The following SHE variants were observed in gnomAD, a reference collection of about 807,000 sequenced individuals.
The protein encoded by SHE is SH2 domain-containing adapter protein E.
A neutral mutation model predicts 49.8 loss-of-function variants in SHE; 11 were observed. The observed-to-expected ratio is 0.22, with a 90% CI of 0.14 to 0.37. The LOEUF is 0.37. Ranked by LOEUF, SHE falls within the 10% of genes least tolerant of loss-of-function variation. SHE has a pLI of 1.00. For missense variants in SHE, 624 were observed against 655.5 expected, an observed-to-expected ratio of 0.95 and a Z score of 0.52; for synonymous variants, 310 against 278.1, an observed-to-expected ratio of 1.11 and a Z score of -1.14.
exon 2 of SHE, chr1:154,470,265 G>A (rs972227407): frequency 8.7e-6 from 11 of 1,264,486 alleles, no homozygotes; most frequent in South Asian, 1.2e-5. Flanking sequence ...GAGCCAGGAC[G>A]TGGAGGGAGC....
chr1:154,494,643 TTGAC>T lies in SHE; in HGVS notation c.718+4465_718+4468del, dbSNP rs570561996. On this transcript the variant is annotated intron_variant, in intron 2 of 5. Transcript: ENST00000304760. ...AAAAATAAAATTTTAAAAATAATCTTTGACTGGAGCTCAAAAGCTAAAACCACAG... is the reference window on the plus strand; with the variant it reads ...AAAAATAAAATTTTAAAAATAATCTTTGGAGCTCAAAAGCTAAAACCACAG... Among the ~76,000 whole-genome samples, 400 of 152,202 alleles carry T rather than the reference TTGAC, an allele frequency of 2.6e-3. 3 individuals are homozygous for T. The highest frequency in any genetic ancestry group is 9.0e-3 in the African/African-American group (372 of 41,534).
intron 1 of SHE, among the ~76,000 whole-genome samples, chr1:154,499,789 G>A (rs1692650622): frequency 6.6e-6 from 1 of 152,184 alleles, no homozygotes; most frequent in Non-Finnish European, 1.5e-5. Context: ...AAGTAGGTCA[G>A]TACTAAACAG....
intron 3 of SHE, among the ~76,000 whole-genome samples, chr1:154,487,530 T>C (rs1312990915): frequency 2.0e-5 from 3 of 151,822 alleles, no homozygotes; most frequent in African/African-American, 7.3e-5. Context: ...ACTGAGCAGG[T>C]ACCCGAGATG....
chr1:154,502,014 G>C lies in SHE; in HGVS notation c.13C>G (p.Pro5Ala). 2 of 1,381,736 alleles carry C rather than the reference G, an allele frequency of 1.4e-6. No homozygotes were observed. Among genetic ancestry groups the C allele is most frequent in the South Asian group, 1.7e-5 (1 of 60,010 alleles). 85.6% of individuals were successfully genotyped at this position (1,381,736 alleles called of 1,614,324 possible). A position where few individuals can be genotyped will look rare whatever the true frequency, so the allele number is the denominator to read the frequency against. MQWS[P>A]TPGASACLGW... is the part of the protein sequence containing the mutation. ...AGACACGCAGAGGCGCCAGGGGTCG[G>C]GGACCACTGCATTCCCCGTGACTGG... Residue 5 changes from proline to alanine, a missense_variant, in exon 1 of 6, where the codon CCG (proline) becomes GCG (alanine). Physicochemically the swap from Pro to Ala is conservative, Grantham distance 27. This residue lies in a region of SHE where 337 missense variants were observed against 306.0 expected (regional missense o/e 1.10). Coordinates refer to ENST00000304760, the MANE Select transcript of SHE (RefSeq NM_001010846.3).
At chr1:154,494,708 T>C (rs917234936) in intron 2 of SHE, among the ~76,000 whole-genome samples, 1 of 152,076 alleles carries the variant, frequency 6.6e-6, no homozygotes, top group South Asian at 2.1e-4. Context: ...GTTGTGTAAT[T>C]TGAACAAATT....
rs1692037761 is a variant in SHE at position 154,482,181 on chromosome 1, T to G, written c.*1968A>C. On this transcript the variant is annotated 3_prime_UTR_variant, in exon 6 of 6. Coordinates refer to ENST00000304760, the MANE Select transcript of SHE (RefSeq NM_001010846.3). ...GGTGCCCGCCACCGTGCCCAGCTAATTTTTGTATTTTTACTACAGACAGGG... is the reference window on the plus strand; with the variant it reads ...GGTGCCCGCCACCGTGCCCAGCTAAGTTTTGTATTTTTACTACAGACAGGG... 2 of 338,464 alleles carry G rather than the reference T, an allele frequency of 5.9e-6. No individual in the cohort carries two copies. Among genetic ancestry groups the G allele is most frequent in the Non-Finnish European group, 4.2e-6 (1 of 238,936 alleles). The allele number at this position is 338,464 out of a possible 1,614,324, so 21.0% of individuals were successfully genotyped here. A position where few individuals can be genotyped will look rare whatever the true frequency, so the allele number is the denominator to read the frequency against.
Position 154,482,663 on chromosome 1 carries a change from A to T in SHE, c.*1486T>A. On this transcript the variant is annotated 3_prime_UTR_variant, in exon 6 of 6. Coordinates refer to ENST00000304760, the MANE Select transcript of SHE (RefSeq NM_001010846.3). ...TAATTCTGGAGCCATTCACCATAGT[A>T]CTCTTCTCACAGTATGCCATTCCCA... The T allele has an allele frequency of 1.0e-6, 1 of 985,374 alleles. No homozygotes were observed. Among genetic ancestry groups the T allele is most frequent in the Non-Finnish European group, 1.2e-6 (1 of 829,934 alleles). The allele number at this position is 985,374 out of a possible 1,614,324, so 61.0% of individuals were successfully genotyped here.
At chr1:154,499,443 C>A (rs1015328925) in intron 1 of SHE, among the ~76,000 whole-genome samples, 2 of 152,142 alleles carry the variant, frequency 1.3e-5, no homozygotes, top group Admixed American at 6.5e-5. Flanking sequence ...TGCAACAATT[C>A]ATCTAACTCT....
chr1:154,484,611 C>T (rs1692114641), intron 5 of SHE: 2 of 333,626 alleles, frequency 6.0e-6, no homozygotes, highest in South Asian at 1.3e-4. Context: ...TCCCTTCTAG[C>T]TCTCAAATTG....
downstream of SHE, chr1:154,479,467 CA>C: frequency 1.0e-6 from 1 of 982,482 alleles, no homozygotes; most frequent in Non-Finnish European, 1.2e-6. Flanking sequence ...CTGAATTAAG[CA>C]AAACCACTGT....
chr1:154,480,215 G>A lies in SHE; in HGVS notation c.*3934C>T, dbSNP rs1185815798. 2 of 985,462 alleles carry A rather than the reference G, an allele frequency of 2.0e-6. No individual in the cohort carries two copies. The highest frequency in any genetic ancestry group is 2.4e-6 in the Non-Finnish European group (2 of 829,956). 61.0% of individuals were successfully genotyped at this position (985,462 alleles called of 1,614,324 possible). ...TATGGAAAAATAGGAGACAACTAGT[G>A]AACGAGAGATCTGTGAAGGGTTTCA... On this transcript the variant is annotated 3_prime_UTR_variant, in exon 6 of 6. Transcript: ENST00000304760.
chr1:154,480,101 T>G lies in SHE; in HGVS notation c.*4048A>C. On this transcript the variant is annotated 3_prime_UTR_variant, in exon 6 of 6. Transcript: ENST00000304760. ...CCCACTGCACAGCAGGCCAAGTTTC[T>G]CTAGTCCACGTTAGTGGGGCACAAA... The G allele has an allele frequency of 1.0e-6, 1 of 985,484 alleles. No individual in the cohort carries two copies. Among genetic ancestry groups the G allele is most frequent in the Non-Finnish European group, 1.2e-6 (1 of 829,938 alleles). 61.0% of individuals were successfully genotyped at this position (985,484 alleles called of 1,614,324 possible).
In SHE at chr1:154,501,474, C is replaced by T; in HGVS notation, c.553G>A (p.Glu185Lys). The T allele has an allele frequency of 6.2e-7, 1 of 1,614,154 alleles. No individual in the cohort carries two copies. The highest frequency in any genetic ancestry group is 1.1e-5 in the South Asian group (1 of 91,074). Reference sequence around the variant, plus strand: ...TTAATAATCTTGCCCTTGTCCAGCTCGGGCCCCAGGGAGGAAGGGGAAGAG... The same window carrying T: ...TTAATAATCTTGCCCTTGTCCAGCTTGGGCCCCAGGGAGGAAGGGGAAGAG... Reference protein sequence around the residue: ...ASSSPSSLGPELDKGKIIKQQ... With the variant: ...ASSSPSSLGPKLDKGKIIKQQ... Residue 185 changes from glutamate to lysine, a missense_variant, in exon 1 of 6, where the codon GAG (glutamate) becomes AAG (lysine). Around this residue, in one of 4 missense-constraint regions of SHE, gnomAD observed 337 missense variants for 306.0 expected, o/e 1.10. Coordinates refer to ENST00000304760, the MANE Select transcript of SHE (RefSeq NM_001010846.3).
chr1:154,495,346 G>A (rs2149297328), intron 2 of SHE, among the ~76,000 whole-genome samples: 1 of 152,308 alleles, frequency 6.6e-6, no homozygotes, highest in South Asian at 2.1e-4. Flanking sequence ...TAGCAGAAAA[G>A]CAACAGAGGT....
At chr1:154,470,533 G>C (rs1233847551) in intron 1 of SHE, among the ~76,000 whole-genome samples, 1 of 152,178 alleles carries the variant, frequency 6.6e-6, no homozygotes, top group Non-Finnish European at 1.5e-5. Flanking sequence ...GCAGAGGTGT[G>C]CTGGCGAGGT....
intron 3 of SHE, among the ~76,000 whole-genome samples, chr1:154,488,673 G>A (rs1378821773): frequency 1.3e-5 from 2 of 152,076 alleles, no homozygotes; most frequent in African/African-American, 2.4e-5. Context: ...TGCAACCTCC[G>A]CCTCTTGAGT....
chr1:154,486,861 T>G (rs923337839), intron 3 of SHE, among the ~76,000 whole-genome samples, 178 bp from the exon 4 acceptor site: 1 of 152,262 alleles, frequency 6.6e-6, no homozygotes, highest in East Asian at 1.9e-4. Flanking sequence ...CTTTGATATC[T>G]GATCACACTG....
In SHE at chr1:154,484,123, G is replaced by C; in HGVS notation, c.*26C>G. 2 of 1,603,054 alleles carry C rather than the reference G, an allele frequency of 1.2e-6. No individual in the cohort carries two copies. Among genetic ancestry groups the C allele is most frequent in the Non-Finnish European group, 1.7e-6 (2 of 1,171,966 alleles). On this transcript the variant is annotated 3_prime_UTR_variant, in exon 6 of 6. Transcript: ENST00000304760. ...TGATGATGCCCTTGAAGGTGCCAGA[G>C]GCCCAGGGCTTGCAGTGGCTGAATC... is the stretch of plus-strand genomic sequence containing the variant.
intron 1 of SHE, among the ~76,000 whole-genome samples, chr1:154,473,739 G>A (rs1172567551): frequency 1.3e-5 from 2 of 152,030 alleles, no homozygotes; most frequent in Non-Finnish European, 1.5e-5. Context: ...GGGAGTGTGA[G>A]GCTGCAGTGG....
Sources: gnomAD v4.1 joint callset for allele counts (sites outside exome capture counted in the v4.1 genomes callset) on GRCh38, gnomAD v4.1.1 for gene constraint, gnomAD v4.1.1 regional missense constraint, MANE v1.5 for transcripts, NCBI Gene and HGNC (gene_info 2026-07-23, HGNC 2026-07-21) for gene names.